Variants in KLHL41 observed in about 807,000 individuals in gnomAD.
KLHL41 encodes the protein kelch like family member 41.
KLHL41 carries 31 observed loss-of-function variants against 49.2 expected under a neutral mutation model. The observed-to-expected ratio is 0.63, with a 90% CI of 0.47 to 0.85. KLHL41 has a LOEUF of 0.85. Among genes scored for constraint, KLHL41 ranks in the 40% least tolerant of loss-of-function variants. The pLI, the probability that KLHL41 is intolerant of heterozygous loss-of-function variation, is 0.00. For missense variants in KLHL41, 663 were observed against 726.7 expected (o/e 0.91, Z 1.01); for synonymous variants, 218 against 258.5 (o/e 0.84, Z 1.50).
Position 169,510,887 on chromosome 2 carries a change from A to G in KLHL41, c.1109A>G (p.Gln370Arg). The change falls in exon 1 of 6, where the codon CAG becomes CGG. Residue 370 changes from glutamine to arginine, a missense_variant and splice_region_variant. Coordinates refer to ENST00000284669, the MANE Select transcript of KLHL41 (RefSeq NM_006063.3). The surrounding 1 kb of genome is among the most constrained non-coding windows in gnomAD (Gnocchi z 4.2). Reference protein sequence around the residue: ...KDQPLQSYFFQLDSIASEWVG... With the variant: ...KDQPLQSYFFRLDSIASEWVG... ...CAACCTCTACAGTCATACTTCTTCC[A>G]GGTAAGAAGGACTTTTTGTATATGT... 1 of 1,609,794 alleles carries G rather than the reference A, an allele frequency of 6.2e-7. No individual in the cohort carries two copies. The highest frequency in any genetic ancestry group is 8.5e-7 in the Non-Finnish European group (1 of 1,177,382).
chr2:169,524,483 C>T (rs1265002441), intron 5 of KLHL41, among the ~76,000 whole-genome samples: 4 of 149,376 alleles, frequency 2.7e-5, no homozygotes, highest in African/African-American at 5.0e-5. Context: ...CTGCAACCTC[C>T]GCCTCCCGGG....
rs772160259 is a variant in KLHL41 at position 169,510,221 on chromosome 2, C to T, written c.443C>T (p.Pro148Leu). 23 of 1,613,774 alleles carry T rather than the reference C, an allele frequency of 1.4e-5. No individual in the cohort carries two copies. The highest frequency in any genetic ancestry group is 8.0e-5 in the African/African-American group (6 of 74,870). Residue 148 changes from proline to leucine, a missense_variant, in exon 1 of 6, where the codon CCG (proline) becomes CTG (leucine). Pro to Leu is a moderately conservative substitution (Grantham distance 98). Coordinates refer to ENST00000284669, the MANE Select transcript of KLHL41 (RefSeq NM_006063.3). The surrounding 1 kb of genome is among the most constrained non-coding windows in gnomAD (Gnocchi z 4.2). ...ILRLGLLLDC[P>L]RLAISAREFV... is the part of the protein sequence containing the mutation. ...AGATTAGGACTTCTTCTTGACTGCC[C>T]GAGACTCGCCATTTCTGCCCGTGAA...
At position 169,510,994 on chromosome 2, in the gene KLHL41, T is replaced by C; in HGVS notation, c.1110+106T>C. On this transcript the variant is annotated intron_variant, in intron 1 of 5. Transcript: ENST00000284669. This position sits in a 1 kb window ranked among gnomAD's most constrained non-coding sequence, Gnocchi z 4.2. The stretch of plus-strand genomic sequence containing the variant: ...TCAAGCTGCTTGCATTTTACTCTAA[T>C]TGATGTCCTATTCCAGTCCCTTGCA... The C allele has an allele frequency of 2.1e-6, 2 of 934,604 alleles. No homozygotes were observed. The highest frequency in any genetic ancestry group is 3.3e-6 in the Non-Finnish European group (2 of 612,764). 57.9% of individuals were successfully genotyped at this position (934,604 alleles called of 1,614,324 possible). A position where few individuals can be genotyped will look rare whatever the true frequency, so the allele number is the denominator to read the frequency against.
At chr2:169,518,509 T>C (rs1684151136) in intron 4 of KLHL41, 134 bp downstream of exon 4, 3 of 600,026 alleles carry the variant, frequency 5.0e-6, no homozygotes, top group Middle Eastern at 4.6e-4. Context: ...AAAGGAAGTA[T>C]TTTCATCTGG....
rs1170268639 is a variant in KLHL41, at chr2:169,518,243, ATCTGGC to A, written c.1433_1438del (p.Leu478_Ala479del). 1 of 1,614,082 alleles carries A rather than the reference ATCTGGC, an allele frequency of 6.2e-7. No individual in the cohort carries two copies. The highest frequency in any genetic ancestry group is 1.1e-5 in the South Asian group (1 of 91,064). On this transcript the variant is annotated inframe_deletion, in exon 4 of 6. Coordinates refer to ENST00000284669, the MANE Select transcript of KLHL41 (RefSeq NM_006063.3). ...AACCCCAAAAAAGGAGATTGGAAAGATCTGGCTCCAATGAAAATTCCTCGTTCCATG... is the reference window on the plus strand; with the variant it reads ...AACCCCAAAAAAGGAGATTGGAAAGATCCAATGAAAATTCCTCGTTCCATG...
At chr2:169,515,035 C>CTTTTCT (rs1684092472) in intron 3 of KLHL41, 74 bp downstream of exon 3, 24 of 641,600 alleles carry the variant, frequency 3.7e-5, no homozygotes, top group Middle Eastern at 9.5e-4. Context: ...CTTTTCTTTT[C>CTTTTCT]TTTTTTTTTT....
In KLHL41 at chr2:169,514,607, C is replaced by T; in HGVS notation, c.1144C>T (p.Pro382Ser). ...DSIASEWVGL[P>S]PLPSARCLFG... is the part of the protein sequence containing the mutation. The stretch of plus-strand genomic sequence containing the variant: ...CATAGCATCTGAATGGGTTGGACTT[C>T]CACCTCTGCCTTCAGCCAGGTGTCT... The change falls in exon 2 of 6, where the codon CCA (proline) becomes TCA (serine). Residue 382 changes from proline (P) to serine (S), a missense_variant. Pro to Ser is a moderately conservative substitution (Grantham distance 74). Around this residue, in one of 3 missense-constraint regions of KLHL41, gnomAD observed 528 missense variants for 581.0 expected, o/e 0.91. Coordinates refer to ENST00000284669, the MANE Select transcript of KLHL41 (RefSeq NM_006063.3). The T allele has an allele frequency of 6.2e-7, 1 of 1,613,822 alleles. No individual in the cohort carries two copies. The highest frequency in any genetic ancestry group is 8.5e-7 in the Non-Finnish European group (1 of 1,179,838).
At chr2:169,516,529 C>T (rs1285590892) in intron 3 of KLHL41, among the ~76,000 whole-genome samples, 1 of 152,170 alleles carries the variant, frequency 6.6e-6, no homozygotes, top group African/African-American at 2.4e-5. Context: ...AGCATTCTGA[C>T]TTTGGAAACA....
Position 169,518,305 on chromosome 2 carries a change from G to A in KLHL41, c.1492G>A (p.Val498Met), listed in dbSNP as rs1216913389. Residue 498 changes from valine to methionine, a missense_variant, in exon 4 of 6, where the codon GTG becomes ATG. Physicochemically the swap from Val to Met is conservative, Grantham distance 21. Around this residue, in one of 3 missense-constraint regions of KLHL41, gnomAD observed 528 missense variants for 581.0 expected, o/e 0.91. Transcript: ENST00000284669. Reference sequence around the variant, plus strand: ...AGTAGCAGTCCATAAAGGCAAAATTGTGATTGCAGGAGGTGTCACTGAAGA... The same window carrying A: ...AGTAGCAGTCCATAAAGGCAAAATTATGATTGCAGGAGGTGTCACTGAAGA... ...FGVAVHKGKI[V>M]IAGGVTEDGL... The A allele has an allele frequency of 1.2e-6, 2 of 1,613,982 alleles. No individual in the cohort carries two copies. The highest frequency in any genetic ancestry group is 1.7e-5 in the Admixed American group (1 of 60,010).
intron 4 of KLHL41, among the ~76,000 whole-genome samples, chr2:169,520,391 T>G (rs1684185476): frequency 6.6e-6 from 1 of 151,012 alleles, no homozygotes; most frequent in Admixed American, 6.6e-5. Context: ...GCAATCCTCC[T>G]GCCTCAGTCT....
chr2:169,522,300 A>G (rs1187073128), intron 5 of KLHL41, among the ~76,000 whole-genome samples: 2 of 152,196 alleles, frequency 1.3e-5, no homozygotes, highest in African/African-American at 4.8e-5. Context: ...TCATTTCCCC[A>G]TGTTGTAATA....
intron 4 of KLHL41, among the ~76,000 whole-genome samples, chr2:169,519,437 G>C (rs1179080529): frequency 6.6e-6 from 1 of 151,968 alleles, no homozygotes; most frequent in Non-Finnish European, 1.5e-5. Context: ...CTGTAATGTG[G>C]GTAAACACTC....
intron 3 of KLHL41, among the ~76,000 whole-genome samples, chr2:169,515,278 C>G (rs2105310051): frequency 6.6e-6 from 1 of 152,198 alleles, no homozygotes; most frequent in South Asian, 2.1e-4. Context: ...GGTGATCTGC[C>G]CGCTTCAGCC....
At chr2:169,524,033 G>T (rs542808870) in intron 5 of KLHL41, among the ~76,000 whole-genome samples, 261 of 149,450 alleles carry the variant, frequency 1.7e-3, no homozygotes, top group African/African-American at 6.4e-3. Context: ...TTCCATTCTT[G>T]TATTTTTTTC....
At chr2:169,514,489 A>G (rs1181254193) in intron 1 of KLHL41, 85 bp from the exon 2 acceptor site, 12 of 1,130,840 alleles carry the variant, frequency 1.1e-5, no homozygotes, top group Non-Finnish European at 1.5e-5. Flanking sequence ...TGACTTCTAA[A>G]CAACATATAA....
At position 169,510,025 on chromosome 2, in the gene KLHL41, A is replaced by T. The variant is rs777250281; in HGVS notation, c.247A>T (p.Ile83Leu). The change falls in exon 1 of 6, where the codon ATA (isoleucine) becomes TTA (leucine). Residue 83 changes from isoleucine to leucine, a missense_variant. By Grantham distance (5) the Ile-to-Leu change is conservative (BLOSUM62 2). Around this residue, in one of 3 missense-constraint regions of KLHL41, gnomAD observed 129 missense variants for 122.1 expected, o/e 1.06. Coordinates refer to ENST00000284669, the MANE Select transcript of KLHL41 (RefSeq NM_006063.3). This position sits in a 1 kb window ranked among gnomAD's most constrained non-coding sequence, Gnocchi z 4.2. ...AGTGCTAGACAATGTGGATCCTGCT[A>T]TACTTGATTTAATCATCAAATACCT... Reference protein sequence around the residue: ...EVVLDNVDPAILDLIIKYLYS... With the variant: ...EVVLDNVDPALLDLIIKYLYS... 6.2e-7 allele frequency: 1 copy of T among 1,614,218 alleles called. No individual in the cohort carries two copies. The highest frequency in any genetic ancestry group is 1.6e-4 in the Middle Eastern group (1 of 6,062).
chr2:169,524,265 T>G (rs1684263265), intron 5 of KLHL41, among the ~76,000 whole-genome samples: 1 of 152,156 alleles, frequency 6.6e-6, no homozygotes, highest in Non-Finnish European at 1.5e-5. Flanking sequence ...TTTTGTATGC[T>G]TTCCTCTACA....
In KLHL41 at chr2:169,518,316, A is replaced by AG; in HGVS notation, c.1505dup (p.Val503CysfsTer3). 6 of 1,614,000 alleles carry AG rather than the reference A, an allele frequency of 3.7e-6. No homozygotes were observed. The highest frequency in any genetic ancestry group is 5.1e-6 in the Non-Finnish European group (6 of 1,179,906). ...ATAAAGGCAAAATTGTGATTGCAGGAGGTGTCACTGAAGATGGTCTTTCAG... is the reference window on the plus strand; with the variant it reads ...ATAAAGGCAAAATTGTGATTGCAGGAGGGTGTCACTGAAGATGGTCTTTCAG... On this transcript the variant is annotated frameshift_variant, in exon 4 of 6. Coordinates refer to ENST00000284669, the MANE Select transcript of KLHL41 (RefSeq NM_006063.3). LOFTEE classifies it high-confidence loss of function.
At position 169,510,440 on chromosome 2, in the gene KLHL41, G is replaced by T. The variant is rs898513131; in HGVS notation, c.662G>T (p.Cys221Phe). ...AAAAACCTTAGTGAAGTGTTTGATT[G>T]TATCCGTTTTCGCCTTATGACAGAA... Reference protein sequence around the residue: ...RVKNLSEVFDCIRFRLMTEKY... With the variant: ...RVKNLSEVFDFIRFRLMTEKY... Residue 221 changes from cysteine (C) to phenylalanine (F), a missense_variant, in exon 1 of 6, where the codon TGT becomes TTT. By Grantham distance (205) the Cys-to-Phe change is radical (BLOSUM62 -2). Around this residue, in one of 3 missense-constraint regions of KLHL41, gnomAD observed 528 missense variants for 581.0 expected, o/e 0.91. Coordinates refer to ENST00000284669, the MANE Select transcript of KLHL41 (RefSeq NM_006063.3). This position sits in a 1 kb window ranked among gnomAD's most constrained non-coding sequence, Gnocchi z 4.2. The T allele has an allele frequency of 1.9e-6, 3 of 1,613,914 alleles. No homozygotes were observed. The African/African-American group carries it at 4.0e-5, about 22-fold the overall frequency.
Sources: allele counts gnomAD v4.1 joint callset (sites outside exome capture counted in the v4.1 genomes callset), GRCh38; gene constraint gnomAD v4.1.1; regional missense constraint gnomAD v4.1.1; non-coding constraint Gnocchi (gnomAD v3.1); transcripts MANE v1.5; gene names NCBI Gene and HGNC (gene_info 2026-07-23, HGNC 2026-07-21).